MYO7B: variants seen among roughly 807,000 people sequenced by gnomAD.
MYO7B encodes the protein unconventional myosin-VIIb.
In MYO7B, 212 loss-of-function variants were observed where a neutral mutation model predicts 259.7. That is an observed-to-expected ratio of 0.82 (90% confidence interval 0.73 to 0.91). The LOEUF is 0.91. Among genes scored for constraint, MYO7B ranks in the 40% least tolerant of loss-of-function variants. MYO7B has a pLI of 0.00. For missense variants in MYO7B, 2,732 were observed against 2,813.5 expected (o/e 0.97, Z 0.66); for synonymous variants, 1,197 against 1,166.4 (o/e 1.03, Z -0.54).
At chr2:127,637,063 G>C (rs769285176) in intron 47 of MYO7B, 150 bp downstream of exon 47, 1 of 1,345,434 alleles carries the variant, frequency 7.4e-7, no homozygotes, top group Non-Finnish European at 1.0e-6. Flanking sequence ...GGGCCTGGGT[G>C]CATCCCCAGG....
At chr2:127,617,361 A>G (rs1273061293) in intron 26 of MYO7B, among the ~76,000 whole-genome samples, 1 of 151,578 alleles carries the variant, frequency 6.6e-6, no homozygotes. Flanking sequence ...AACAAAAAAG[A>G]GAAGAGAACC....
At chr2:127,571,513 TC>T (rs1558807108) in intron 6 of MYO7B, among the ~76,000 whole-genome samples, 2 of 149,692 alleles carry the variant, frequency 1.3e-5, no homozygotes, top group African/African-American at 5.0e-5. Context: ...GGAGTTTCGC[TC>T]TTGTTGCCCA....
At chr2:127,542,548 G>C (rs780502447) in intron 1 of MYO7B, among the ~76,000 whole-genome samples, 3 of 152,204 alleles carry the variant, frequency 2.0e-5, no homozygotes, top group Non-Finnish European at 4.4e-5. Flanking sequence ...AGTAAAATAA[G>C]TAACAAATGC....
rs1343361932 is a variant in MYO7B, at chr2:127,574,833, G to T, written c.735+771G>T. Among the ~76,000 whole-genome samples the T allele has an allele frequency of 3.3e-5, 5 of 152,180 alleles. No individual in the cohort carries two copies. In the East Asian group the frequency reaches 9.6e-4, roughly 29 times the overall value. ...TATTGCCACCTTGAAATTCTTACTAGCTTTTTAGCAAGAGGGCCCATGGTT... is the reference window on the plus strand; with the variant it reads ...TATTGCCACCTTGAAATTCTTACTATCTTTTTAGCAAGAGGGCCCATGGTT... On this transcript the variant is annotated intron_variant, in intron 7 of 47. Coordinates refer to ENST00000409816, the MANE Select transcript of MYO7B (RefSeq NM_001393586.1).
rs375131820 is a variant in MYO7B, at chr2:127,609,965, G to A, written c.3141G>A (p.Thr1047=). 1.7e-4 allele frequency: 275 copies of A among 1,607,422 alleles called. No individual in the cohort carries two copies. Among genetic ancestry groups the A allele is most frequent in the Middle Eastern group, 3.3e-4 (2 of 6,054 alleles). ...GSSVMRQIHD[T]LGREHGAQVP... ...CAGTGATGCGGCAGATCCATGACACGCTGGGCAGGGAGCACGGTGCCCAGG... is the reference window on the plus strand; with the variant it reads ...CAGTGATGCGGCAGATCCATGACACACTGGGCAGGGAGCACGGTGCCCAGG... Residue 1047 remains threonine, a synonymous_variant, in exon 24 of 48, where the codon ACG becomes ACA. Coordinates refer to ENST00000409816, the MANE Select transcript of MYO7B (RefSeq NM_001393586.1). This position sits in a 1 kb window ranked among gnomAD's most constrained non-coding sequence, Gnocchi z 6.9.
In MYO7B at chr2:127,630,810, G is replaced by C. The variant is rs1681441695; in HGVS notation, c.4839G>C (p.Lys1613Asn). 1 of 1,613,120 alleles carries C rather than the reference G, an allele frequency of 6.2e-7. No individual in the cohort carries two copies. Among genetic ancestry groups the C allele is most frequent in the East Asian group, 2.2e-5 (1 of 44,884 alleles). Residue 1613 changes from lysine to asparagine, a missense_variant, in exon 36 of 48, where the codon AAG becomes AAC. Transcript: ENST00000409816. Reference protein sequence around the residue: ...SLLAMSPEKRKLAAQEGQFTE... With the variant: ...SLLAMSPEKRNLAAQEGQFTE... The stretch of plus-strand genomic sequence containing the variant: ...TTGCCATGTCACCAGAGAAGAGGAA[G>C]CTGGCGGCTCAGGAGGGGCAGTTCA...
Position 127,559,559 on chromosome 2 carries a change from A to G in MYO7B, c.-23-141A>G, listed in dbSNP as rs1677981561. ...GGCTAGGACTGTGACTCATTCATCCATTTATTCAGCATTGTTTTTGAGCCA... is the reference window on the plus strand; with the variant it reads ...GGCTAGGACTGTGACTCATTCATCCGTTTATTCAGCATTGTTTTTGAGCCA... On this transcript the variant is annotated intron_variant, in intron 1 of 47. Transcript: ENST00000409816. The surrounding 1 kb of genome is among the most constrained non-coding windows in gnomAD (Gnocchi z 4.1). The G allele has an allele frequency of 2.3e-5, 17 of 731,014 alleles. No individual in the cohort carries two copies. The South Asian group carries it at 2.7e-4, about 12-fold the overall frequency. The allele number at this position is 731,014 out of a possible 1,614,324, so 45.3% of individuals were successfully genotyped here.
chr2:127,637,237 A>C, intron 47 of MYO7B, 79 bp from the exon 48 acceptor site: 1 of 1,110,574 alleles, frequency 9.0e-7, no homozygotes, highest in Non-Finnish European at 1.3e-6. Flanking sequence ...TTGCTGAGGA[A>C]GAGAAGGTGG....
rs770940440 is a variant in MYO7B at position 127,584,426 on chromosome 2, C to T, written c.1554+94C>T. ...ACTCCATTTGGGTGGGCCACTTGTT[C>T]TGAGAGTCACTAAAACCTCTGCCAG... On this transcript the variant is annotated intron_variant, in intron 13 of 47. Coordinates refer to ENST00000409816, the MANE Select transcript of MYO7B (RefSeq NM_001393586.1). This position sits in a 1 kb window ranked among gnomAD's most constrained non-coding sequence, Gnocchi z 5.8. 1 of 1,318,698 alleles carries T rather than the reference C, an allele frequency of 7.6e-7. No individual in the cohort carries two copies. Among genetic ancestry groups the T allele is most frequent in the South Asian group, 1.3e-5 (1 of 74,246 alleles). The allele number at this position is 1,318,698 out of a possible 1,614,324, so 81.7% of individuals were successfully genotyped here.
chr2:127,599,195 C>T (rs562652263), intron 19 of MYO7B, among the ~76,000 whole-genome samples: 3 of 152,316 alleles, frequency 2.0e-5, no homozygotes, highest in East Asian at 3.9e-4. Context: ...AAACATGATA[C>T]GTAGCTCCAT....
chr2:127,547,667 AT>A (rs745832353), intron 1 of MYO7B, among the ~76,000 whole-genome samples: 1 of 152,076 alleles, frequency 6.6e-6, no homozygotes, highest in Non-Finnish European at 1.5e-5. Context: ...GTGATGGAGG[AT>A]GATTGTTCTG....
At chr2:127,566,002 T>C (rs1021224619) in intron 4 of MYO7B, among the ~76,000 whole-genome samples, 3 of 152,254 alleles carry the variant, frequency 2.0e-5, no homozygotes, top group African/African-American at 7.2e-5. Context: ...TGGTTCTGAC[T>C]GGCCCTTCTG....
chr2:127,604,249 C>T (rs1044459570), intron 19 of MYO7B, among the ~76,000 whole-genome samples: 1 of 152,224 alleles, frequency 6.6e-6, no homozygotes, highest in Non-Finnish European at 1.5e-5. Context: ...TCACCTTGCA[C>T]TTTTATGTTA....
At chr2:127,554,097 G>A (rs564023803) in intron 1 of MYO7B, among the ~76,000 whole-genome samples, 3 of 151,824 alleles carry the variant, frequency 2.0e-5, no homozygotes, top group South Asian at 2.1e-4. Context: ...ATTTTGAGAC[G>A]GAGTTTCATT....
intron 7 of MYO7B, 80 bp downstream of exon 7, chr2:127,574,142 T>C (rs1678763539): frequency 1.9e-6 from 3 of 1,545,750 alleles, no homozygotes. Flanking sequence ...CACTCTCACC[T>C]CTCCTCCCCT....
At position 127,634,694 on chromosome 2, in the gene MYO7B, C is replaced by T; in HGVS notation, c.5713+11C>T. 1 of 1,602,686 alleles carries T rather than the reference C, an allele frequency of 6.2e-7. No homozygotes were observed. The highest frequency in any genetic ancestry group is 8.5e-7 in the Non-Finnish European group (1 of 1,176,890). On this transcript the variant is annotated intron_variant, in intron 42 of 47. Transcript: ENST00000409816. Reference sequence around the variant, plus strand: ...AGCCCCAGAAAGAAGGTGAGGAGGCCTCTGTGGAGCTGGGGGAGGGCGTGG... The same window carrying T: ...AGCCCCAGAAAGAAGGTGAGGAGGCTTCTGTGGAGCTGGGGGAGGGCGTGG...
rs972479705 is a variant in MYO7B, at chr2:127,559,969, T to C, written c.18+229T>C. Among the ~76,000 whole-genome samples the C allele has an allele frequency of 5.9e-5, 9 of 152,230 alleles. No homozygotes were observed. The highest frequency in any genetic ancestry group is 3.9e-4 in the East Asian group (2 of 5,182). Reference sequence around the variant, plus strand: ...TATGTATAGTTATCCCTCACTTTCATGTAGGGCTTAACATGTCCCTTTGTC... The same window carrying C: ...TATGTATAGTTATCCCTCACTTTCACGTAGGGCTTAACATGTCCCTTTGTC... On this transcript the variant is annotated intron_variant, in intron 2 of 47. Transcript: ENST00000409816. This position sits in a 1 kb window ranked among gnomAD's most constrained non-coding sequence, Gnocchi z 4.1.
At chr2:127,567,326 A>C (rs1271063685) in intron 5 of MYO7B, among the ~76,000 whole-genome samples, 3 of 152,112 alleles carry the variant, frequency 2.0e-5, no homozygotes, top group Non-Finnish European at 2.9e-5. Flanking sequence ...ACTCAAAAAA[A>C]AACACAGGGC....
At chr2:127,540,434 G>C (rs1692959991) in intron 1 of MYO7B, among the ~76,000 whole-genome samples, 1 of 152,162 alleles carries the variant, frequency 6.6e-6, no homozygotes, top group African/African-American at 2.4e-5. Context: ...AGAGTGTTGG[G>C]ATTACAGGCG....
Sources: gnomAD v4.1 joint callset for allele counts (sites outside exome capture counted in the v4.1 genomes callset) on GRCh38, gnomAD v4.1.1 for gene constraint, Gnocchi (gnomAD v3.1) non-coding constraint, MANE v1.5 for transcripts, NCBI Gene and HGNC (gene_info 2026-07-23, HGNC 2026-07-21) for gene names.